Variants in NRG1 observed in about 807,000 individuals in gnomAD.
The protein encoded by NRG1 is neuregulin 1.
In NRG1, 18 loss-of-function variants were observed where a neutral mutation model predicts 63.8. The ratio of observed to expected loss-of-function variants is 0.28; its 90% CI spans 0.19 to 0.42. NRG1 has a LOEUF of 0.42. NRG1 is among the 10% of genes least tolerant of loss of function. The probability of loss-of-function intolerance (pLI) is 1.00; values close to 1 mark genes in which losing one functional copy is unlikely to be tolerated. For missense variants in NRG1, 762 were observed against 814.7 expected, an observed-to-expected ratio of 0.94 and a Z score of 0.79; for synonymous variants, 302 against 301.3, an observed-to-expected ratio of 1.00 and a Z score of -0.02.
At chr8:32,205,935 CA>C (rs5890627) in intron 1 of NRG1, among the ~76,000 whole-genome samples, 26,003 of 131,584 alleles carry the variant, frequency 0.2, 2,769 homozygotes, top group African/African-American at 0.34. Flanking sequence ...CATCTCTCTA[CA>C]AAAAAAAAAA....
At chr8:31,888,735 G>T (rs1830917282) in intron 1 of NRG1, among the ~76,000 whole-genome samples, 1 of 151,872 alleles carries the variant, frequency 6.6e-6, no homozygotes, top group Non-Finnish European at 1.5e-5. Flanking sequence ...TTGAATCAAA[G>T]TTATTAGATG....
intron 1 of NRG1, among the ~76,000 whole-genome samples, chr8:32,490,743 T>G (rs976103320): frequency 2.6e-5 from 4 of 152,168 alleles, no homozygotes. Flanking sequence ...ATTATTTCTT[T>G]ACTAAAATTG....
intron 1 of NRG1, among the ~76,000 whole-genome samples, chr8:32,101,989 T>C (rs1830638352): frequency 6.6e-6 from 1 of 152,188 alleles, no homozygotes; most frequent in Non-Finnish European, 1.5e-5. Context: ...AGAGAAGGGC[T>C]TTGCATTTAG....
chr8:32,192,578 G>C (rs890184303), intron 1 of NRG1, among the ~76,000 whole-genome samples: 1 of 151,890 alleles, frequency 6.6e-6, no homozygotes, highest in Non-Finnish European at 1.5e-5. Flanking sequence ...AATAGACACT[G>C]GGGACTACTA....
chr8:32,004,465 C>T (rs1304477378), intron 1 of NRG1, among the ~76,000 whole-genome samples: 2 of 120,486 alleles, frequency 1.7e-5, no homozygotes, highest in Non-Finnish European at 3.3e-5. Flanking sequence ...CACACTAATG[C>T]AAGATGTGAA....
chr8:32,709,568 G>A (rs1817288922), intron 5 of NRG1, among the ~76,000 whole-genome samples: 1 of 151,796 alleles, frequency 6.6e-6, no homozygotes, highest in African/African-American at 2.4e-5. Flanking sequence ...ATACCACCAT[G>A]CCCGGCTAAT....
At chr8:31,932,436 G>A (rs533471054) in intron 1 of NRG1, among the ~76,000 whole-genome samples, 3 of 152,290 alleles carry the variant, frequency 2.0e-5, no homozygotes, top group Admixed American at 2.0e-4. Flanking sequence ...GCAAGGAGTT[G>A]GTTGAATCCT....
Position 32,636,022 on chromosome 8 carries a change from A to G in NRG1, c.502+19137A>G, listed in dbSNP as rs141950035. On this transcript the variant is annotated intron_variant, in intron 5 of 11. Transcript: ENST00000356819. ...GGCTAATTCCAGGTATTTAACCCCA[A>G]GTTAAGGAGACTTAACCTGAGGCTG... Among the ~76,000 whole-genome samples the G allele has an allele frequency of 7.6e-3, 1,157 of 152,268 alleles. 5 individuals carry two copies. Among genetic ancestry groups the G allele is most frequent in the Middle Eastern group, 0.024 (7 of 294 alleles).
chr8:31,931,280 C>A (rs1834838923), intron 1 of NRG1, among the ~76,000 whole-genome samples: 1 of 151,468 alleles, frequency 6.6e-6, no homozygotes, highest in Non-Finnish European at 1.5e-5. Context: ...TTGGTGGGAT[C>A]CCAAAATAAA....
At chr8:31,834,307 G>GCGCACACACACACACACACA (rs1554547025) in intron 1 of NRG1, among the ~76,000 whole-genome samples, 1 of 119,432 alleles carries the variant, frequency 8.4e-6, no homozygotes, top group Non-Finnish European at 1.7e-5. Context: ...GCGCACGCGC[G>GCGCACACACACACACACACA]CACACACACA....
chr8:32,083,220 A>G (rs1226665697), intron 1 of NRG1, among the ~76,000 whole-genome samples: 2 of 152,242 alleles, frequency 1.3e-5, no homozygotes, highest in African/African-American at 4.8e-5. Flanking sequence ...TGAATGAATA[A>G]TACCAGGTGA....
intron 1 of NRG1, among the ~76,000 whole-genome samples, chr8:32,186,414 T>C (rs572503196): frequency 3.9e-4 from 54 of 137,286 alleles, no homozygotes; most frequent in African/African-American, 1.5e-3. Context: ...TAAGCCGAGA[T>C]GGCGCCACTG....
intron 1 of NRG1, among the ~76,000 whole-genome samples, chr8:32,061,421 T>A (rs548049476): frequency 1.2e-4 from 19 of 152,030 alleles, no homozygotes; most frequent in Non-Finnish European, 2.5e-4. Context: ...ATGACTTTTT[T>A]TTCTGAGCTT....
intron 1 of NRG1, among the ~76,000 whole-genome samples, chr8:31,792,266 C>G (rs1820789281): frequency 6.6e-6 from 1 of 152,176 alleles, no homozygotes; most frequent in South Asian, 2.1e-4. Context: ...AAATGTAATA[C>G]AGTTTTATGT....
chr8:32,703,283 T>A (rs1815432089), intron 5 of NRG1, among the ~76,000 whole-genome samples: 1 of 152,144 alleles, frequency 6.6e-6, no homozygotes, highest in Non-Finnish European at 1.5e-5. Flanking sequence ...GGGTTTACAT[T>A]GACCCCTTTG....
chr8:32,471,185 GTT>G (rs2129490571), intron 1 of NRG1, among the ~76,000 whole-genome samples: 1 of 152,226 alleles, frequency 6.6e-6, no homozygotes, highest in East Asian at 1.9e-4. Flanking sequence ...CACTAATTCT[GTT>G]TCAGTTTAAC....
chr8:32,503,128 A>AC (rs757466513), intron 1 of NRG1, among the ~76,000 whole-genome samples: 3 of 96,542 alleles, frequency 3.1e-5, no homozygotes, highest in Non-Finnish European at 6.4e-5. Flanking sequence ...TACTAAAAAT[A>AC]CAAAAAAAAT....
intron 1 of NRG1, among the ~76,000 whole-genome samples, chr8:32,339,563 GT>G (rs1322266241): frequency 6.6e-6 from 1 of 152,180 alleles, no homozygotes; most frequent in Non-Finnish European, 1.5e-5. Context: ...AATGATCATA[GT>G]TACAACAGCT....
chr8:31,642,101 T>A (rs1211723660), intron 1 of NRG1, among the ~76,000 whole-genome samples: 1 of 152,122 alleles, frequency 6.6e-6, no homozygotes, highest in Admixed American at 6.5e-5. Flanking sequence ...GAAAGCTAAG[T>A]GGCATAGGGA....
Sources: allele counts gnomAD v4.1 joint callset (sites outside exome capture counted in the v4.1 genomes callset), GRCh38; gene constraint gnomAD v4.1.1; transcripts MANE v1.5; gene names NCBI Gene and HGNC (gene_info 2026-07-23, HGNC 2026-07-21).